TASP1: variants seen among roughly 807,000 people sequenced by gnomAD.
TASP1 encodes threonine aspartase 1.
In TASP1, 16 loss-of-function variants were observed where a neutral mutation model predicts 56.6. That is an observed-to-expected ratio of 0.28 (90% confidence interval 0.19 to 0.43). TASP1 has a LOEUF of 0.43. TASP1 is among the 20% of genes least tolerant of loss of function. TASP1 has a pLI of 1.00. For missense variants in TASP1, 393 were observed against 511.6 expected (o/e 0.77, Z 2.24); for synonymous variants, 179 against 184.2 (o/e 0.97, Z 0.23).
At chr20:13,467,508 C>G (rs919646487) in intron 11 of TASP1, among the ~76,000 whole-genome samples, 1 of 151,118 alleles carries the variant, frequency 6.6e-6, no homozygotes, top group South Asian at 2.1e-4. Flanking sequence ...TAATTTTTAC[C>G]TATAGCACTA....
At chr20:13,543,175 A>C (rs1184798908) in intron 8 of TASP1, among the ~76,000 whole-genome samples, 1 of 152,168 alleles carries the variant, frequency 6.6e-6, no homozygotes, top group East Asian at 1.9e-4. Context: ...AGACGCTAGC[A>C]TCTCTGCCTC....
chr20:13,583,407 G>A (rs943415358), intron 5 of TASP1, among the ~76,000 whole-genome samples: 3 of 152,162 alleles, frequency 2.0e-5, no homozygotes, highest in East Asian at 1.9e-4. Flanking sequence ...ACTTCCAAAC[G>A]TGTTCTTCTT....
At chr20:13,560,067 A>T (rs968640832) in intron 7 of TASP1, among the ~76,000 whole-genome samples, 2 of 152,174 alleles carry the variant, frequency 1.3e-5, no homozygotes, top group Non-Finnish European at 2.9e-5. Flanking sequence ...TTGAAGAACA[A>T]ATAGAGCTTC....
chr20:13,382,033 G>A, the TASP1 span, among the ~76,000 whole-genome samples: 57 of 152,182 alleles, frequency 3.7e-4, no homozygotes, highest in African/African-American at 1.0e-3. Context: ...GAGAAATGCC[G>A]GCAGCCTGCT....
At chr20:13,196,293 A>T in the TASP1 span, among the ~76,000 whole-genome samples, 12 of 152,352 alleles carry the variant, frequency 7.9e-5, no homozygotes, top group Non-Finnish European at 1.6e-4. Context: ...TTATGCGAGT[A>T]TTTTAAAAGA....
the TASP1 span, among the ~76,000 whole-genome samples, chr20:13,304,591 C>G: frequency 1.3e-5 from 2 of 152,150 alleles, no homozygotes; most frequent in African/African-American, 4.8e-5. Context: ...TTTCCATCAT[C>G]GTGGAGCCCA....
chr20:13,579,371 ATTTTT>A (rs879806486), intron 6 of TASP1, among the ~76,000 whole-genome samples: 3 of 145,592 alleles, frequency 2.1e-5, no homozygotes, highest in Non-Finnish European at 4.6e-5. Context: ...CAAGTGTAAG[ATTTTT>A]TTTTTTTTTT....
chr20:13,445,571 C>G (rs886494423), intron 11 of TASP1, among the ~76,000 whole-genome samples: 1 of 152,154 alleles, frequency 6.6e-6, no homozygotes, highest in African/African-American at 2.4e-5. Context: ...GAATGTCCTA[C>G]AGAGAACTGA....
chr20:13,153,622 T>TGG, the TASP1 span, among the ~76,000 whole-genome samples: 1 of 152,054 alleles, frequency 6.6e-6, no homozygotes, highest in Non-Finnish European at 1.5e-5. Context: ...CTATGAAGTG[T>TGG]GGGGGGTGGG....
At chr20:13,588,301 G>GA (rs752071858) in intron 4 of TASP1, among the ~76,000 whole-genome samples, 3 of 116,516 alleles carry the variant, frequency 2.6e-5, no homozygotes, top group African/African-American at 9.5e-5. Context: ...AAGGAAGGAA[G>GA]GAAGGAAGAG....
chr20:13,521,154 G>T (rs1284917080), intron 10 of TASP1, among the ~76,000 whole-genome samples: 2 of 152,120 alleles, frequency 1.3e-5, no homozygotes, highest in Non-Finnish European at 2.9e-5. Flanking sequence ...GGAGAAATAG[G>T]AACACTTTTA....
At chr20:13,637,801 G>A (rs1307070313) in intron 1 of TASP1, among the ~76,000 whole-genome samples, 1 of 152,178 alleles carries the variant, frequency 6.6e-6, no homozygotes, top group Non-Finnish European at 1.5e-5. Context: ...AAAATGTTCT[G>A]AAAGTAGATA....
the TASP1 span, chr20:13,117,368 C>T: frequency 2.6e-6 from 2 of 781,560 alleles, no homozygotes; most frequent in East Asian, 5.4e-5. Context: ...AGGGTTGTCT[C>T]AGCCAAATAA....
the TASP1 span, among the ~76,000 whole-genome samples, chr20:13,378,733 C>T: frequency 1.3e-5 from 2 of 152,162 alleles, no homozygotes; most frequent in African/African-American, 4.8e-5. Flanking sequence ...GTCTCTAGAA[C>T]TTACTTTATG....
intron 8 of TASP1, among the ~76,000 whole-genome samples, chr20:13,548,985 G>T (rs953246347): frequency 2.0e-5 from 3 of 152,070 alleles, no homozygotes; most frequent in African/African-American, 7.2e-5. Context: ...CTTAATAAGA[G>T]AATCAAGGAA....
At chr20:13,359,283 A>G in the TASP1 span, among the ~76,000 whole-genome samples, 44,589 of 144,496 alleles carry the variant, frequency 0.31, 8,979 homozygotes, top group African/African-American at 0.57. Context: ...CCCGCAGGCC[A>G]GGATTCCTCC....
chr20:13,184,773 G>T, the TASP1 span, among the ~76,000 whole-genome samples: 1 of 152,028 alleles, frequency 6.6e-6, no homozygotes, highest in Non-Finnish European at 1.5e-5. Context: ...AGAAGTTTTT[G>T]GTCTGAGGAG....
At chr20:13,417,349 A>G (rs1165494678) in intron 13 of TASP1, 99 bp downstream of exon 13, 3 of 1,318,032 alleles carry the variant, frequency 2.3e-6, no homozygotes, top group East Asian at 4.7e-5. Context: ...GCTACTGCCC[A>G]AAAAAAGCTG....
chr20:13,532,850 C>A (rs1424686417), intron 9 of TASP1, among the ~76,000 whole-genome samples: 1 of 152,128 alleles, frequency 6.6e-6, no homozygotes. Context: ...GCTTGACTTT[C>A]CTATTGCAAA....
Sources: allele counts gnomAD v4.1 joint callset (sites outside exome capture counted in the v4.1 genomes callset), GRCh38; gene constraint gnomAD v4.1.1; transcripts MANE v1.5; gene names NCBI Gene and HGNC (gene_info 2026-07-23, HGNC 2026-07-21).